CUX1: variants seen among roughly 807,000 people sequenced by gnomAD.
CUX1 encodes the protein cut like homeobox 1, also known as protein CASP.
In CUX1, 31 loss-of-function variants were observed where a neutral mutation model predicts 158.8. The ratio of observed to expected loss-of-function variants is 0.20; its 90% CI spans 0.15 to 0.26. The LOEUF (loss-of-function observed/expected upper bound fraction) is 0.26, where lower values mean the gene tolerates loss of function less well. Among genes scored for constraint, CUX1 ranks in the 10% least tolerant of loss-of-function variants. CUX1 has a pLI of 1.00. For missense variants in CUX1, 1,589 were observed against 2,014.6 expected (o/e 0.79, Z 4.04); for synonymous variants, 879 against 862.1 (o/e 1.02, Z -0.34).
rs368235304 is a variant in CUX1 at position 102,274,251 on chromosome 7, C to T, written c.1391C>T (p.Ala464Val). The T allele has an allele frequency of 1.1e-5, 18 of 1,613,356 alleles. No individual in the cohort carries two copies. Among genetic ancestry groups the T allele is most frequent in the Non-Finnish European group, 1.4e-5 (17 of 1,179,716 alleles). The change falls in exon 16 of 23, where the codon GCT becomes GTT. Residue 464 changes from alanine (A) to valine (V), a missense_variant. Ala to Val is a moderately conservative substitution (Grantham distance 64). Transcript: ENST00000292538. ...GCTTCCTGTCACCTGCAGGGTGCCG[C>T]TGAGCACCGCCTGGAGAAGATCCCA...
intron 1 of CUX1, among the ~76,000 whole-genome samples, chr7:101,895,307 TA>T (rs776641980): frequency 6.6e-6 from 1 of 152,182 alleles, no homozygotes; most frequent in Non-Finnish European, 1.5e-5. Flanking sequence ...TAGAGTTTTG[TA>T]GCTCCTCAAA....
Position 102,257,414 on chromosome 7 carries a change from C to A in CUX1, c.*8372C>A. The stretch of plus-strand genomic sequence containing the variant: ...GCATCTCACGTACCCCCATCTGAGA[C>A]CTCTTGGAAAAAAAAAATCCCGTGT... On this transcript the variant is annotated 3_prime_UTR_variant, in exon 24 of 24. Coordinates refer to ENST00000292535, the MANE Select transcript of CUX1 (RefSeq NM_181552.4). 8.1e-6 allele frequency: 8 copies of A among 984,626 alleles called. No homozygotes were observed. Among genetic ancestry groups the A allele is most frequent in the Non-Finnish European group, 9.6e-6 (8 of 829,788 alleles). The allele number at this position is 984,626 out of a possible 1,614,324, so 61.0% of individuals were successfully genotyped here. A position where few individuals can be genotyped will look rare whatever the true frequency, so the allele number is the denominator to read the frequency against.
chr7:102,182,014 G>A (rs1793138652), intron 11 of CUX1, among the ~76,000 whole-genome samples: 1 of 152,174 alleles, frequency 6.6e-6, no homozygotes, highest in Non-Finnish European at 1.5e-5. Flanking sequence ...TACTTACCAC[G>A]GAGCTGCTTT....
intron 2 of CUX1, among the ~76,000 whole-genome samples, chr7:101,920,802 A>G (rs1200614299): frequency 1.3e-5 from 2 of 152,204 alleles, no homozygotes; most frequent in African/African-American, 4.8e-5. Flanking sequence ...TTGAATTAAG[A>G]ATCAATCGTG....
chr7:101,998,741 C>T (rs1247492630), intron 2 of CUX1, among the ~76,000 whole-genome samples: 1 of 152,186 alleles, frequency 6.6e-6, no homozygotes, highest in Non-Finnish European at 1.5e-5. Flanking sequence ...CAGGCTCTGG[C>T]CAGGGTATAG....
intron 2 of CUX1, among the ~76,000 whole-genome samples, chr7:101,998,491 A>G (rs1456953345): frequency 1.3e-5 from 2 of 152,168 alleles, no homozygotes; most frequent in Non-Finnish European, 2.9e-5. Flanking sequence ...GCCCCCAGCC[A>G]TCGCTTCTCA....
intron 2 of CUX1, among the ~76,000 whole-genome samples, chr7:102,018,744 G>T (rs1343406141): frequency 1.9e-5 from 1 of 51,858 alleles, no homozygotes; most frequent in Non-Finnish European, 5.0e-5. Context: ...GAGTGCGTGC[G>T]TGCGTGCGTG....
At chr7:102,079,044 A>C (rs1442224539) in intron 4 of CUX1, among the ~76,000 whole-genome samples, 3 of 152,230 alleles carry the variant, frequency 2.0e-5, no homozygotes, top group Non-Finnish European at 4.4e-5. Context: ...AAGTGAGGAC[A>C]CATTACAGGT....
At chr7:102,053,331 T>G (rs1301096420) in intron 3 of CUX1, among the ~76,000 whole-genome samples, 1 of 152,204 alleles carries the variant, frequency 6.6e-6, no homozygotes, top group Non-Finnish European at 1.5e-5. Context: ...TGTATATATA[T>G]ATTTATGGGG....
At chr7:101,901,940 A>T (rs1802196349) in intron 1 of CUX1, among the ~76,000 whole-genome samples, 1 of 152,246 alleles carries the variant, frequency 6.6e-6, no homozygotes, top group African/African-American at 2.4e-5. Context: ...AAAGCATTCA[A>T]ATTAAAGGCT....
intron 20 of CUX1, among the ~76,000 whole-genome samples, chr7:102,213,550 G>A (rs530193795): frequency 1.2e-4 from 18 of 152,292 alleles, no homozygotes; most frequent in South Asian, 2.1e-4. Context: ...GAAAAGGCCC[G>A]ACAGGCCCAG....
intron 2 of CUX1, among the ~76,000 whole-genome samples, chr7:102,005,066 G>A (rs761490241): frequency 6.6e-6 from 1 of 152,174 alleles, no homozygotes; most frequent in Non-Finnish European, 1.5e-5. Flanking sequence ...GCAGGCAGGG[G>A]ACTGCAGGTC....
intron 15 of CUX1, among the ~76,000 whole-genome samples, chr7:102,273,671 G>A (rs141302599): frequency 1.9e-3 from 286 of 152,256 alleles, no homozygotes; most frequent in African/African-American, 6.5e-3. Flanking sequence ...CCCTGCCTCC[G>A]ATTTGGGGTG....
intron 11 of CUX1, among the ~76,000 whole-genome samples, chr7:102,185,124 C>A (rs542726097): frequency 6.6e-6 from 1 of 152,302 alleles, no homozygotes; most frequent in South Asian, 2.1e-4. Flanking sequence ...CAGACCTTCA[C>A]GAACAGAGCC....
At chr7:102,207,100 A>G (rs1238637868) in intron 20 of CUX1, among the ~76,000 whole-genome samples, 1 of 152,186 alleles carries the variant, frequency 6.6e-6, no homozygotes, top group Non-Finnish European at 1.5e-5. Context: ...GGAAAAACAC[A>G]CTAGGCTCCT....
intron 3 of CUX1, among the ~76,000 whole-genome samples, chr7:102,069,685 T>C (rs1243387192): frequency 6.6e-6 from 1 of 152,082 alleles, no homozygotes; most frequent in Non-Finnish European, 1.5e-5. Flanking sequence ...GAGGCAGAGG[T>C]TGCAGTGAGC....
chr7:101,991,036 C>T (rs1490046921), intron 2 of CUX1, among the ~76,000 whole-genome samples: 1 of 152,204 alleles, frequency 6.6e-6, no homozygotes, highest in East Asian at 1.9e-4. Flanking sequence ...TGAACCAGCG[C>T]CCATAGATAC....
rs778263260 is a variant in CUX1 at position 102,249,899 on chromosome 7, T to C, written c.*857T>C. On this transcript the variant is annotated 3_prime_UTR_variant, in exon 24 of 24. Transcript: ENST00000292535. Reference sequence around the variant, plus strand: ...AAGAAAACGTCACATCAGGAAACTCTGATTTTGTGGTAGCTGACATAGTGT... The same window carrying C: ...AAGAAAACGTCACATCAGGAAACTCCGATTTTGTGGTAGCTGACATAGTGT... 23 of 985,658 alleles carry C rather than the reference T, an allele frequency of 2.3e-5. No homozygotes were observed. The highest frequency in any genetic ancestry group is 2.8e-5 in the Non-Finnish European group (23 of 829,896). 61.1% of individuals were successfully genotyped at this position (985,658 alleles called of 1,614,324 possible). A position where few individuals can be genotyped will look rare whatever the true frequency, so the allele number is the denominator to read the frequency against.
intron 1 of CUX1, among the ~76,000 whole-genome samples, chr7:101,829,021 T>A (rs1793698140): frequency 6.6e-6 from 1 of 151,990 alleles, no homozygotes; most frequent in African/African-American, 2.4e-5. Flanking sequence ...GGCTTTAAGG[T>A]CAGTGGAAAA....
Sources: allele counts gnomAD v4.1 joint callset (sites outside exome capture counted in the v4.1 genomes callset), GRCh38; gene constraint gnomAD v4.1.1; transcripts MANE v1.5; gene names NCBI Gene and HGNC (gene_info 2026-07-23, HGNC 2026-07-21).